Variants in ZFHX3 observed in about 807,000 individuals in gnomAD.
ZFHX3 encodes the protein zinc finger homeobox protein 3.
ZFHX3 carries 42 observed loss-of-function variants against 279.1 expected under a neutral mutation model. The observed-to-expected ratio is 0.15, with a 90% confidence interval of 0.12 to 0.19. ZFHX3 has a LOEUF of 0.19. Ranked by LOEUF, ZFHX3 falls within the 10% of genes least tolerant of loss-of-function variation. The probability of loss-of-function intolerance (pLI) is 1.00; values close to 1 mark genes in which losing one functional copy is unlikely to be tolerated. For missense variants in ZFHX3, 4,981 were observed against 4,754.0 expected (o/e 1.05, Z -1.40); for synonymous variants, 2,293 against 1,957.8 (o/e 1.17, Z -4.52).
chr16:73,362,655 G>A lies in ZFHX3; in HGVS notation c.-1290-44319C>T, dbSNP rs147461813. ...GAGCAGAATGTGTGGCATAATATAA[G>A]ACAAGGCAGGGCAAACAGGGCACCT... On this transcript the variant is annotated intron_variant, in intron 3 of 17. Coordinates refer to the ZFHX3 transcript ENST00000641206. Among the ~76,000 whole-genome samples, 328 of 152,332 alleles carry A rather than the reference G, an allele frequency of 2.2e-3. 1 individual carries two copies. The highest frequency in any genetic ancestry group is 7.5e-3 in the African/African-American group (312 of 41,586).
Position 73,861,436 on chromosome 16 carries a change from C to T in ZFHX3, c.-1608+30215G>A, listed in dbSNP as rs575862415. Among the ~76,000 whole-genome samples, 7 of 152,200 alleles carry T rather than the reference C, an allele frequency of 4.6e-5. No homozygotes were observed. In the South Asian group the frequency reaches 6.2e-4, roughly 14 times the overall value. On this transcript the variant is annotated intron_variant, in intron 1 of 17. Coordinates refer to the ZFHX3 transcript ENST00000641206. ...CAAAGAAATATGGGGAGGTTAGAGTCGGGTGATTTCCGTGTACAAATAATC... is the reference window on the plus strand; with the variant it reads ...CAAAGAAATATGGGGAGGTTAGAGTTGGGTGATTTCCGTGTACAAATAATC...
At chr16:73,578,711 A>G (rs1472729742) in intron 2 of ZFHX3, among the ~76,000 whole-genome samples, 1 of 152,136 alleles carries the variant, frequency 6.6e-6, no homozygotes, top group Non-Finnish European at 1.5e-5. Flanking sequence ...GACTGAGGCA[A>G]ATGCATTTAT....
At chr16:72,964,671 A>G (rs1410182595) in intron 1 of ZFHX3, among the ~76,000 whole-genome samples, 1 of 145,964 alleles carries the variant, frequency 6.9e-6, no homozygotes, top group Non-Finnish European at 1.5e-5. Flanking sequence ...GTCTATTTAA[A>G]AAAAAAAAAA....
intron 1 of ZFHX3, chr16:73,891,505 G>C (rs1369891742): frequency 6.6e-6 from 1 of 152,252 alleles, no homozygotes; most frequent in Non-Finnish European, 1.5e-5. Context: ...GAGAGGGAGA[G>C]AGAGGGGGAG....
At chr16:73,505,421 C>T (rs751973751) in intron 2 of ZFHX3, among the ~76,000 whole-genome samples, 1 of 152,228 alleles carries the variant, frequency 6.6e-6, no homozygotes, top group South Asian at 2.1e-4. Context: ...CCCCTACCCC[C>T]TTCAATGATG....
chr16:73,281,596 G>C (rs974397320), intron 4 of ZFHX3, among the ~76,000 whole-genome samples: 1 of 152,178 alleles, frequency 6.6e-6, no homozygotes, highest in Non-Finnish European at 1.5e-5. Context: ...AAATTGCTAA[G>C]AGGGTACATC....
intron 4 of ZFHX3, among the ~76,000 whole-genome samples, chr16:72,887,945 T>C (rs1328706515): frequency 6.6e-6 from 1 of 151,954 alleles, no homozygotes; most frequent in East Asian, 1.9e-4. Flanking sequence ...AGTCTGTGGT[T>C]GGGGTATGGG....
chr16:72,932,792 C>T (rs1274551235), intron 3 of ZFHX3, among the ~76,000 whole-genome samples: 1 of 151,950 alleles, frequency 6.6e-6, no homozygotes, highest in Non-Finnish European at 1.5e-5. Context: ...AAATCTAATG[C>T]AGAAAAGCAG....
intron 1 of ZFHX3, among the ~76,000 whole-genome samples, chr16:73,749,186 T>G (rs2053733852): frequency 1.3e-5 from 2 of 152,194 alleles, no homozygotes; most frequent in South Asian, 4.1e-4. Context: ...TATTTTTACC[T>G]GGCCATGCCC....
At chr16:73,561,943 T>G (rs1322045196) in intron 2 of ZFHX3, among the ~76,000 whole-genome samples, 1 of 152,206 alleles carries the variant, frequency 6.6e-6, no homozygotes, top group Non-Finnish European at 1.5e-5. Flanking sequence ...AAAACCTGAA[T>G]GCACCTAGGT....
At chr16:72,880,355 C>G (rs768593862) in intron 4 of ZFHX3, among the ~76,000 whole-genome samples, 5 of 152,168 alleles carry the variant, frequency 3.3e-5, no homozygotes, top group Non-Finnish European at 5.9e-5. Flanking sequence ...TGACTGGAGA[C>G]AGGACTTTTA....
At chr16:73,410,241 C>T (rs1236336612) in intron 3 of ZFHX3, among the ~76,000 whole-genome samples, 1 of 152,114 alleles carries the variant, frequency 6.6e-6, no homozygotes, top group Non-Finnish European at 1.5e-5. Flanking sequence ...CATGGTGAAA[C>T]CCCATCTCTA....
intron 5 of ZFHX3, among the ~76,000 whole-genome samples, chr16:72,829,354 T>G (rs1221039590): frequency 6.6e-6 from 1 of 152,000 alleles, no homozygotes; most frequent in African/African-American, 2.4e-5. Flanking sequence ...CCTGATCAAG[T>G]TCCACATGAC....
intron 1 of ZFHX3, among the ~76,000 whole-genome samples, chr16:73,687,993 G>C (rs1054315260): frequency 6.6e-6 from 1 of 151,662 alleles, no homozygotes; most frequent in Admixed American, 6.6e-5. Flanking sequence ...ATTCACTATA[G>C]AGCAGGCACA....
intron 1 of ZFHX3, among the ~76,000 whole-genome samples, chr16:73,885,584 T>C (rs2030319991): frequency 6.6e-6 from 1 of 152,046 alleles, no homozygotes; most frequent in African/African-American, 2.4e-5. Flanking sequence ...CCTCCAGGGG[T>C]CTAAAGATGC....
At chr16:72,994,493 C>A (rs1011389412) in intron 1 of ZFHX3, among the ~76,000 whole-genome samples, 9 of 152,198 alleles carry the variant, frequency 5.9e-5, no homozygotes, top group African/African-American at 2.2e-4. Context: ...ACTTAGAGTG[C>A]ATTAACAGAA....
chr16:73,268,907 G>A (rs58063022), intron 4 of ZFHX3, among the ~76,000 whole-genome samples: 1,978 of 152,172 alleles, frequency 0.013, 32 homozygotes, highest in African/African-American at 0.045. Context: ...TGGGCCCCGG[G>A]GACACTCCAC....
intron 1 of ZFHX3, among the ~76,000 whole-genome samples, chr16:73,779,545 C>A (rs1379140903): frequency 6.6e-6 from 1 of 152,026 alleles, no homozygotes; most frequent in Non-Finnish European, 1.5e-5. Context: ...CTGCCATGGG[C>A]AAGGTGAAAC....
rs370273798 is a variant in ZFHX3 at position 73,381,107 on chromosome 16, C to A, written c.-1290-62771G>T. Among the ~76,000 whole-genome samples the A allele has an allele frequency of 2.0e-5, 3 of 152,256 alleles. No individual in the cohort carries two copies. The East Asian group carries it at 5.8e-4, about 29-fold the overall frequency. On this transcript the variant is annotated intron_variant, in intron 3 of 17. Coordinates refer to the ZFHX3 transcript ENST00000641206. ...TACTGGTGTGGTTTCTCTCTCCAGACCCTGACTGATGCAGACCTATATGAA... is the reference window on the plus strand; with the variant it reads ...TACTGGTGTGGTTTCTCTCTCCAGAACCTGACTGATGCAGACCTATATGAA...
Sources: allele counts gnomAD v4.1 joint callset (sites outside exome capture counted in the v4.1 genomes callset), GRCh38; gene constraint gnomAD v4.1.1; transcripts MANE v1.5; gene names NCBI Gene and HGNC (gene_info 2026-07-23, HGNC 2026-07-21).